The following BCAS3 variants were observed in gnomAD, a reference collection of about 807,000 sequenced individuals.
The protein encoded by BCAS3 is BCAS4/BCAS3 fusion.
A neutral mutation model predicts 116.1 loss-of-function variants in BCAS3; 53 were observed. The ratio of observed to expected loss-of-function variants is 0.46; its 90% CI spans 0.37 to 0.57. BCAS3 has a LOEUF of 0.57. Among genes scored for constraint, BCAS3 ranks in the 20% least tolerant of loss-of-function variants. The probability of loss-of-function intolerance (pLI) is 0.00; values close to 1 mark genes in which losing one functional copy is unlikely to be tolerated. For synonymous variants in BCAS3, 391 were observed against 408.2 expected, an observed-to-expected ratio of 0.96 and a Z score of 0.51; for missense variants, 917 against 1,165.4, an observed-to-expected ratio of 0.79 and a Z score of 3.10.
At chr17:61,283,007 T>C (rs529216501) in intron 22 of BCAS3, among the ~76,000 whole-genome samples, 3 of 151,610 alleles carry the variant, frequency 2.0e-5, no homozygotes, top group Non-Finnish European at 4.4e-5. Flanking sequence ...CCTTTAAAAA[T>C]AAATCAGCCC....
In BCAS3 at chr17:61,136,687, G is replaced by A. The variant is rs1345966485; in HGVS notation, c.2425+52123G>A. Among the ~76,000 whole-genome samples, 1 of 152,178 alleles carries A rather than the reference G, an allele frequency of 6.6e-6. No individual in the cohort carries two copies. Among genetic ancestry groups the A allele is most frequent in the Non-Finnish European group, 1.5e-5 (1 of 68,024 alleles). On this transcript the variant is annotated intron_variant, in intron 22 of 23. Transcript: ENST00000407086. This position sits in a 1 kb window ranked among gnomAD's most constrained non-coding sequence, Gnocchi z 4.4. ...CAATTCTTATACCTCAGCCTCCTGA[G>A]TAGCTGGGATTACAGGTGTGTGCCA...
At chr17:60,944,789 T>C (rs1273526504) in intron 13 of BCAS3, among the ~76,000 whole-genome samples, 2 of 152,186 alleles carry the variant, frequency 1.3e-5, no homozygotes, top group African/African-American at 4.8e-5. Context: ...ATCATTTCAA[T>C]AGCTGCAGAA....
chr17:60,939,393 C>T (rs918240864), intron 13 of BCAS3, among the ~76,000 whole-genome samples: 1 of 152,028 alleles, frequency 6.6e-6, no homozygotes, highest in African/African-American at 2.4e-5. Flanking sequence ...GATGGTGCCA[C>T]TGCACTCCAG....
At chr17:60,720,775 C>A (rs1319826175) in intron 5 of BCAS3, among the ~76,000 whole-genome samples, 1 of 152,132 alleles carries the variant, frequency 6.6e-6, no homozygotes, top group Non-Finnish European at 1.5e-5. Context: ...AGATACCATG[C>A]CATTTTATAA....
intron 22 of BCAS3, among the ~76,000 whole-genome samples, chr17:61,120,628 G>A (rs1263066090): frequency 6.6e-6 from 1 of 151,922 alleles, no homozygotes; most frequent in Non-Finnish European, 1.5e-5. Flanking sequence ...ATGCTACCCC[G>A]CTACTCTACC....
intron 15 of BCAS3, among the ~76,000 whole-genome samples, chr17:60,998,162 C>T (rs1337545205): frequency 1.3e-5 from 2 of 152,142 alleles, no homozygotes; most frequent in Non-Finnish European, 2.9e-5. Flanking sequence ...TATGTTGCTG[C>T]AAAGGACACG....
intron 14 of BCAS3, among the ~76,000 whole-genome samples, chr17:60,982,661 G>C (rs1283520174): frequency 1.3e-5 from 2 of 152,054 alleles, no homozygotes; most frequent in South Asian, 2.1e-4. Context: ...CCCATAAAAA[G>C]AATGTCTTTC....
At chr17:60,854,949 GTTTTTT>G (rs1267985905) in intron 7 of BCAS3, among the ~76,000 whole-genome samples, 1 of 121,932 alleles carries the variant, frequency 8.2e-6, no homozygotes, top group African/African-American at 3.6e-5. Context: ...TTTCAGTGAG[GTTTTTT>G]TTTTTTTTTT....
At chr17:61,267,906 G>T (rs1455979814) in intron 22 of BCAS3, among the ~76,000 whole-genome samples, 2 of 151,738 alleles carry the variant, frequency 1.3e-5, no homozygotes, top group Non-Finnish European at 2.9e-5. Flanking sequence ...GTCCTATATA[G>T]GTCTTCGTGT....
chr17:60,811,377 A>T (rs1379635310), intron 7 of BCAS3: 1 of 623,420 alleles, frequency 1.6e-6, no homozygotes, highest in East Asian at 3.9e-5. Flanking sequence ...AACTCCAGGC[A>T]AACCATCCAG....
chr17:60,679,997 G>T (rs2032750201), intron 2 of BCAS3, among the ~76,000 whole-genome samples: 1 of 151,886 alleles, frequency 6.6e-6, no homozygotes, highest in Non-Finnish European at 1.5e-5. Context: ...AATTAGCCGG[G>T]TATGGTGGCC....
chr17:61,164,817 A>C (rs192608127), intron 22 of BCAS3, among the ~76,000 whole-genome samples: 89 of 152,340 alleles, frequency 5.8e-4, no homozygotes, highest in Non-Finnish European at 4.4e-4. Flanking sequence ...CTAAGATAGC[A>C]TTCTTCATAA....
At position 61,056,827 on chromosome 17, in the gene BCAS3, C is replaced by A. The variant is rs965547838; in HGVS notation, c.2029+15935C>A. ...ATCTCCATAAAAATGACCATTGCAT[C>A]CATGCACAGATTTTTTCTCTCCAGT... On this transcript the variant is annotated intron_variant, in intron 19 of 23. Transcript: ENST00000407086. This position sits in a 1 kb window ranked among gnomAD's most constrained non-coding sequence, Gnocchi z 4.9. Among the ~76,000 whole-genome samples, 1 of 152,318 alleles carries A rather than the reference C, an allele frequency of 6.6e-6. No homozygotes were observed. The highest frequency in any genetic ancestry group is 6.5e-5 in the Admixed American group (1 of 15,294).
intron 4 of BCAS3, among the ~76,000 whole-genome samples, chr17:60,695,562 A>T (rs2035486234): frequency 1.3e-5 from 2 of 152,064 alleles, no homozygotes; most frequent in Non-Finnish European, 2.9e-5. Flanking sequence ...TCTTTTTTAA[A>T]TTTTTTGAGG....
At chr17:61,022,533 C>T (rs537794728) in intron 16 of BCAS3, among the ~76,000 whole-genome samples, 129 of 152,224 alleles carry the variant, frequency 8.5e-4, no homozygotes, top group African/African-American at 2.6e-3. Context: ...CGTGAGCCAC[C>T]GCGCCCAGCC....
rs529815509 is a variant in BCAS3, at chr17:61,121,930, A to AT, written c.2425+37367dup. 1.8e-3 allele frequency among the ~76,000 whole-genome samples: 274 copies of AT among 152,212 alleles called. 1 individual carries two copies. The highest frequency in any genetic ancestry group is 6.2e-3 in the African/African-American group (256 of 41,544). The stretch of plus-strand genomic sequence containing the variant: ...TTTTTAGTAGAGACGGGGTTTCAAC[A>AT]TCTTGGTCAGGCTGGTCTTGAACTC... On this transcript the variant is annotated intron_variant, in intron 22 of 23. Coordinates refer to ENST00000407086, the MANE Select transcript of BCAS3 (RefSeq NM_017679.5).
Position 61,122,171 on chromosome 17 carries a change from A to G in BCAS3, c.2425+37607A>G, listed in dbSNP as rs982047306. 2.0e-5 allele frequency among the ~76,000 whole-genome samples: 3 copies of G among 152,234 alleles called. No homozygotes were observed. Among genetic ancestry groups the G allele is most frequent in the Non-Finnish European group, 2.9e-5 (2 of 68,032 alleles). On this transcript the variant is annotated intron_variant, in intron 22 of 23. Coordinates refer to ENST00000407086, the MANE Select transcript of BCAS3 (RefSeq NM_017679.5). This position sits in a 1 kb window ranked among gnomAD's most constrained non-coding sequence, Gnocchi z 4.6. ...CTCCCTTCCCCCAGTTTTAATCACA[A>G]CTAAAATCATACACATGCATCTTCC...
At chr17:61,009,090 G>A (rs2064927850) in intron 15 of BCAS3, among the ~76,000 whole-genome samples, 1 of 152,030 alleles carries the variant, frequency 6.6e-6, no homozygotes, top group Non-Finnish European at 1.5e-5. Context: ...TTATAGGAAG[G>A]TGTCTATTGT....
At chr17:61,175,566 T>C (rs2079086257) in intron 22 of BCAS3, among the ~76,000 whole-genome samples, 1 of 152,206 alleles carries the variant, frequency 6.6e-6, no homozygotes, top group African/African-American at 2.4e-5. Flanking sequence ...ATGTGAATGT[T>C]TGGAATCATT....
Sources: gnomAD v4.1 joint callset for allele counts (sites outside exome capture counted in the v4.1 genomes callset) on GRCh38, gnomAD v4.1.1 for gene constraint, Gnocchi (gnomAD v3.1) non-coding constraint, MANE v1.5 for transcripts, NCBI Gene and HGNC (gene_info 2026-07-23, HGNC 2026-07-21) for gene names.